The following CEP83 variants were observed in gnomAD, a reference collection of about 807,000 sequenced individuals.
The protein encoded by CEP83 is centrosomal protein 83.
A neutral mutation model predicts 101.9 loss-of-function variants in CEP83; 70 were observed. The ratio of observed to expected loss-of-function variants is 0.69; its 90% confidence interval spans 0.57 to 0.84. The LOEUF is 0.84. Ranked by LOEUF, CEP83 falls within the 40% of genes least tolerant of loss-of-function variation. CEP83 has a pLI of 0.00. For missense variants in CEP83, 715 were observed against 787.2 expected (o/e 0.91, Z 1.10); for synonymous variants, 264 against 267.9 (o/e 0.99, Z 0.14).
Position 94,308,754 on chromosome 12 carries a change from G to A in CEP83, c.*59C>T. 8.7e-7 allele frequency: 1 copy of A among 1,151,590 alleles called. No homozygotes were observed. Among genetic ancestry groups the A allele is most frequent in the Non-Finnish European group, 1.3e-6 (1 of 765,840 alleles). The allele number at this position is 1,151,590 out of a possible 1,614,324, so 71.3% of individuals were successfully genotyped here. A position where few individuals can be genotyped will look rare whatever the true frequency, so the allele number is the denominator to read the frequency against. ...GTATCTAAATGCCACAGGTTAAAAT[G>A]TCAAGTTTTACTGAGTCACCAACTT... On this transcript the variant is annotated 3_prime_UTR_variant, in exon 17 of 17. Coordinates refer to ENST00000397809, the MANE Select transcript of CEP83 (RefSeq NM_016122.3).
intron 2 of CEP83, among the ~76,000 whole-genome samples, chr12:94,429,859 C>A (rs56909196): frequency 0.042 from 6,413 of 152,284 alleles, 407 homozygotes; most frequent in African/African-American, 0.14. Flanking sequence ...TCTGCCACCA[C>A]CAGGGCTAAA....
intron 11 of CEP83, among the ~76,000 whole-genome samples, chr12:94,357,686 G>T (rs1276025214): frequency 6.6e-6 from 1 of 152,204 alleles, no homozygotes; most frequent in Non-Finnish European, 1.5e-5. Context: ...GTCCCAACAG[G>T]AGTCTGTGGA....
chr12:94,422,772 T>C (rs2064861122), intron 2 of CEP83, among the ~76,000 whole-genome samples: 1 of 152,272 alleles, frequency 6.6e-6, no homozygotes. Context: ...TATGTTTTTG[T>C]GTATCTCAGT....
intron 1 of CEP83, among the ~76,000 whole-genome samples, chr12:94,448,887 G>A (rs985174482): frequency 6.6e-6 from 1 of 151,734 alleles, no homozygotes; most frequent in Non-Finnish European, 1.5e-5. Context: ...AAAATAAGGA[G>A]CAGAGGGGAT....
intron 1 of CEP83, among the ~76,000 whole-genome samples, chr12:94,445,384 T>A (rs1458130935): frequency 6.6e-6 from 1 of 150,456 alleles, no homozygotes; most frequent in Non-Finnish European, 1.5e-5. Flanking sequence ...ATAAACCTCC[T>A]AAAAAAAAAT....
downstream of CEP83, among the ~76,000 whole-genome samples, chr12:94,301,902 T>G (rs564911582): frequency 6.6e-6 from 1 of 152,286 alleles, no homozygotes; most frequent in Non-Finnish European, 1.5e-5. Flanking sequence ...ATCCCCAAAT[T>G]ATTGGTTACC....
At chr12:94,388,605 A>AT (rs1566058701) in intron 6 of CEP83, among the ~76,000 whole-genome samples, 1 of 152,212 alleles carries the variant, frequency 6.6e-6, no homozygotes, top group East Asian at 1.9e-4. Flanking sequence ...ACTTGAAATT[A>AT]TTTTTTAAAA....
intron 1 of CEP83, among the ~76,000 whole-genome samples, chr12:94,447,475 A>G (rs2066897423): frequency 6.6e-6 from 1 of 152,250 alleles, no homozygotes; most frequent in Non-Finnish European, 1.5e-5. Context: ...ATTGCACTCC[A>G]GCCTGGAAAA....
At chr12:94,310,710 T>G (rs1969726928) in intron 15 of CEP83, among the ~76,000 whole-genome samples, 1 of 152,170 alleles carries the variant, frequency 6.6e-6, no homozygotes, top group Non-Finnish European at 1.5e-5. Context: ...TTGTCAAGGG[T>G]CAAGTGTAAA....
At chr12:94,386,292 G>A (rs908948175) in intron 6 of CEP83, among the ~76,000 whole-genome samples, 6 of 151,976 alleles carry the variant, frequency 3.9e-5, no homozygotes, top group Admixed American at 1.3e-4. Context: ...TCTGTCTAAC[G>A]GAAAAATAAA....
At position 94,324,946 on chromosome 12, in the gene CEP83, T is replaced by C. The variant is rs185080367; in HGVS notation, c.1707+6754A>G. ...ATGGCATAAATTTGGCCTCCTACTA[T>C]ACCTCTTTCTATTCTAGCTCCCTGG... On this transcript the variant is annotated intron_variant, in intron 14 of 16. Coordinates refer to ENST00000397809, the MANE Select transcript of CEP83 (RefSeq NM_016122.3). Among the ~76,000 whole-genome samples the C allele has an allele frequency of 1.1e-4, 17 of 152,260 alleles. No homozygotes were observed. In the East Asian group the frequency reaches 3.1e-3, roughly 28 times the overall value.
chr12:94,423,462 T>C (rs1255483962), intron 2 of CEP83, among the ~76,000 whole-genome samples: 1 of 151,642 alleles, frequency 6.6e-6, no homozygotes, highest in Non-Finnish European at 1.5e-5. Context: ...TTCAACTTTT[T>C]TTTTTTTTTT....
At chr12:94,304,513 G>GT (rs1022117243), downstream of CEP83, among the ~76,000 whole-genome samples, 8 of 152,142 alleles carry the variant, frequency 5.3e-5, 1 homozygote, top group South Asian at 2.1e-4. Flanking sequence ...CTTAATCTGG[G>GT]TTTTTTTCTT....
At chr12:94,319,373 T>C (rs1971242558) in intron 14 of CEP83, among the ~76,000 whole-genome samples, 1 of 152,190 alleles carries the variant, frequency 6.6e-6, no homozygotes, top group Non-Finnish European at 1.5e-5. Context: ...ATCTTTTGAA[T>C]GGCTGTTCAT....
At chr12:94,403,290 T>G in intron 4 of CEP83, 28 bp from the exon 5 acceptor site, 1 of 960,140 alleles carries the variant, frequency 1.0e-6, no homozygotes, top group Non-Finnish European at 1.7e-6. Flanking sequence ...GCAAACAATA[T>G]AAAATCACAT....
chr12:94,355,506 A>C (rs2060422740), intron 11 of CEP83, among the ~76,000 whole-genome samples: 1 of 152,226 alleles, frequency 6.6e-6, no homozygotes, highest in South Asian at 2.1e-4. Flanking sequence ...AAAAGAAAAG[A>C]AAAACAAGAA....
At chr12:94,379,413 C>T (rs977306487) in intron 6 of CEP83, among the ~76,000 whole-genome samples, 14 of 152,198 alleles carry the variant, frequency 9.2e-5, no homozygotes, top group African/African-American at 3.1e-4. Flanking sequence ...CTTTTCCTCA[C>T]ATGACTGTAA....
chr12:94,271,105 G>T, the CEP83 span, among the ~76,000 whole-genome samples: 1 of 152,116 alleles, frequency 6.6e-6, no homozygotes, highest in African/African-American at 2.4e-5. Flanking sequence ...ATTCAGGTTG[G>T]TATAAGAACT....
intron 11 of CEP83, among the ~76,000 whole-genome samples, chr12:94,362,256 T>C (rs2060802129): frequency 6.6e-6 from 1 of 152,140 alleles, no homozygotes; most frequent in Non-Finnish European, 1.5e-5. Flanking sequence ...AAAGGGACTC[T>C]AATACACTGT....
Sources: gnomAD v4.1 joint callset for allele counts (sites outside exome capture counted in the v4.1 genomes callset) on GRCh38, gnomAD v4.1.1 for gene constraint, MANE v1.5 for transcripts, NCBI Gene and HGNC (gene_info 2026-07-23, HGNC 2026-07-21) for gene names.